Variants in DBF4B observed in about 807,000 individuals in gnomAD.
DBF4B encodes the protein protein DBF4 homolog B.
Under a neutral mutation model 53.4 loss-of-function variants are expected in DBF4B, and 49 were observed. The observed-to-expected ratio is 0.92, with a 90% CI of 0.73 to 1.16. DBF4B has a LOEUF of 1.16. Among genes scored for constraint, DBF4B ranks in the 50% most tolerant of loss-of-function variants. The probability of loss-of-function intolerance (pLI) is 0.00; values close to 1 mark genes in which losing one functional copy is unlikely to be tolerated. For synonymous variants in DBF4B, 257 were observed against 288.7 expected (o/e 0.89, Z 1.11); for missense variants, 692 against 775.0 (o/e 0.89, Z 1.27).
In DBF4B at chr17:44,751,659, C is replaced by A; in HGVS notation, c.*406C>A. On this transcript the variant is annotated 3_prime_UTR_variant, in exon 14 of 14. Coordinates refer to ENST00000315005, the MANE Select transcript of DBF4B (RefSeq NM_145663.3). The stretch of plus-strand genomic sequence containing the variant: ...ACTTCAAATACTTGAAGGCTCCCAC[C>A]TTCTGTTCTCTGGCTCCTTCCTGCG... 1 of 1,392,934 alleles carries A rather than the reference C, an allele frequency of 7.2e-7. No homozygotes were observed. The highest frequency in any genetic ancestry group is 3.0e-5 in the Admixed American group (1 of 33,490). The allele number at this position is 1,392,934 out of a possible 1,614,324, so 86.3% of individuals were successfully genotyped here. A position where few individuals can be genotyped will look rare whatever the true frequency, so the allele number is the denominator to read the frequency against.
intron 2 of DBF4B, among the ~76,000 whole-genome samples, chr17:44,710,005 C>A (rs189879233): frequency 1.3e-5 from 2 of 151,866 alleles, no homozygotes; most frequent in Non-Finnish European, 2.9e-5. Flanking sequence ...AACCCCATCT[C>A]TACTAAAAAT....
chr17:44,731,038 A>AGAGCC (rs1389010870), intron 5 of DBF4B, 23 bp downstream of exon 5: 1 of 1,613,910 alleles, frequency 6.2e-7, no homozygotes, highest in Admixed American at 1.7e-5. Context: ...AAGATGGGAC[A>AGAGCC]GAGCCGGTGG....
At chr17:44,712,934 C>T (rs991285876) in intron 2 of DBF4B, among the ~76,000 whole-genome samples, 2 of 151,878 alleles carry the variant, frequency 1.3e-5, no homozygotes, top group African/African-American at 2.4e-5. Context: ...TTCTGTCCTA[C>T]CACTTCTCTG....
intron 2 of DBF4B, chr17:44,719,868 C>A: frequency 4.6e-6 from 1 of 219,124 alleles, no homozygotes. Context: ...CATGTGAGTC[C>A]ACAGCTTTCT....
chr17:44,709,365 A>G lies in DBF4B; in HGVS notation c.81A>G (p.Leu27=). The change falls in exon 2 of 14, where the codon CTA becomes CTG. Residue 27 remains leucine (L), a splice_region_variant and synonymous_variant. Transcript: ENST00000315005. ...AGAGTAGGCTCCGGGCCCCGGACCTAGGTGGGTAACAGGACAGAACTAGGG... is the reference window on the plus strand; with the variant it reads ...AGAGTAGGCTCCGGGCCCCGGACCTGGGTGGGTAACAGGACAGAACTAGGG... ...MAESRLRAPD[L]GVSRCLGKCQ... The G allele has an allele frequency of 6.2e-7, 1 of 1,614,160 alleles. No homozygotes were observed. The highest frequency in any genetic ancestry group is 8.5e-7 in the Non-Finnish European group (1 of 1,180,020).
At chr17:44,725,239 A>G (rs528249053) in intron 3 of DBF4B, among the ~76,000 whole-genome samples, 1 of 152,074 alleles carries the variant, frequency 6.6e-6, no homozygotes, top group South Asian at 2.1e-4. Flanking sequence ...ATAGTGAGCT[A>G]TGATTGCACC....
At chr17:44,748,953 G>T (rs1321234771) in intron 13 of DBF4B, 3 of 1,289,896 alleles carry the variant, frequency 2.3e-6, no homozygotes, top group Non-Finnish European at 3.0e-6. Context: ...GACCAGCAGA[G>T]TTCTGGGCCA....
intron 3 of DBF4B, among the ~76,000 whole-genome samples, chr17:44,725,824 C>G (rs1974280754): frequency 1.3e-5 from 2 of 151,198 alleles, no homozygotes; most frequent in Admixed American, 6.6e-5. Context: ...GTAGCTGGGA[C>G]TACAGGTGCT....
At position 44,749,513 on chromosome 17, in the gene DBF4B, G is replaced by A. The variant is rs1003679454; in HGVS notation, c.1189+1048G>A. On this transcript the variant is annotated intron_variant, in intron 13 of 13. Transcript: ENST00000315005. The surrounding 1 kb of genome is among the most constrained non-coding windows in gnomAD (Gnocchi z 4.4). The stretch of plus-strand genomic sequence containing the variant: ...TTGAAGTCCAGCAAGCAGCTGTCAC[G>A]CTCAGCTCCATGGAGCTGACAGAGC... The A allele has an allele frequency of 1.3e-5, 17 of 1,267,116 alleles. No homozygotes were observed. Among genetic ancestry groups the A allele is most frequent in the African/African-American group, 9.2e-5 (6 of 65,302 alleles). The allele number at this position is 1,267,116 out of a possible 1,614,324, so 78.5% of individuals were successfully genotyped here. A position where few individuals can be genotyped will look rare whatever the true frequency, so the allele number is the denominator to read the frequency against.
At chr17:44,731,872 G>C in intron 5 of DBF4B, 1 of 299,002 alleles carries the variant, frequency 3.3e-6, no homozygotes, top group East Asian at 6.9e-5. Context: ...AGCTTTCCTC[G>C]CAGAGGCCCT....
chr17:44,708,987 G>A, intron 1 of DBF4B, 148 bp downstream of exon 1: 2 of 1,095,606 alleles, frequency 1.8e-6, no homozygotes, highest in Non-Finnish European at 2.6e-6. Context: ...GGAGCCACAG[G>A]AGTTGAGGGG....
intron 2 of DBF4B, 31 bp downstream of exon 2, chr17:44,709,397 G>A (rs898361429): frequency 6.2e-7 from 1 of 1,613,330 alleles, no homozygotes; most frequent in South Asian, 1.1e-5. Context: ...AGGGACGTGA[G>A]GTGAAAATTG....
rs1200162200 is a variant in DBF4B, at chr17:44,749,813, C to A, written c.1190-782C>A. 1 of 1,043,476 alleles carries A rather than the reference C, an allele frequency of 9.6e-7. No individual in the cohort carries two copies. The allele number at this position is 1,043,476 out of a possible 1,614,324, so 64.6% of individuals were successfully genotyped here. A position where few individuals can be genotyped will look rare whatever the true frequency, so the allele number is the denominator to read the frequency against. On this transcript the variant is annotated intron_variant, in intron 13 of 13. Transcript: ENST00000315005. This position sits in a 1 kb window ranked among gnomAD's most constrained non-coding sequence, Gnocchi z 4.4. ...GGTTAGCTGTTGGTGTGCTCCACCC[C>A]CAACCCCGGCCTCCTTTCTCACGAG...
At position 44,737,828 on chromosome 17, in the gene DBF4B, T is replaced by C. The variant is rs72826857; in HGVS notation, c.668-551T>C. 3.8e-3 allele frequency among the ~76,000 whole-genome samples: 579 copies of C among 152,302 alleles called. 3 individuals carry two copies. The highest frequency in any genetic ancestry group is 6.6e-3 in the Non-Finnish European group (450 of 68,020). ...TGATATTTTTCTACCATCCTGCTAA[T>C]AAGACCACTAAACACTCTTTATCCC... On this transcript the variant is annotated intron_variant, in intron 8 of 13. Transcript: ENST00000315005.
At chr17:44,721,870 C>T (rs565179556) in intron 2 of DBF4B, among the ~76,000 whole-genome samples, 1 of 151,672 alleles carries the variant, frequency 6.6e-6, no homozygotes, top group East Asian at 1.9e-4. Flanking sequence ...CATGGTGGCT[C>T]GCGCCTGTAA....
chr17:44,743,636 A>G (rs1976293424), intron 10 of DBF4B, among the ~76,000 whole-genome samples: 1 of 135,014 alleles, frequency 7.4e-6, no homozygotes, highest in Admixed American at 7.9e-5. Flanking sequence ...TTTGAGAATG[A>G]GTCCCACACT....
At chr17:44,739,019 G>A (rs911645827) in intron 9 of DBF4B, among the ~76,000 whole-genome samples, 1 of 152,170 alleles carries the variant, frequency 6.6e-6, no homozygotes, top group Non-Finnish European at 1.5e-5. Flanking sequence ...AGAAAGGAAG[G>A]GACTTGTGTA....
intron 9 of DBF4B, among the ~76,000 whole-genome samples, chr17:44,740,853 G>GT (rs1975934208): frequency 6.6e-6 from 1 of 152,038 alleles, no homozygotes; most frequent in African/African-American, 2.4e-5. Context: ...AGACAGGGAG[G>GT]GGCCGGGCGT....
chr17:44,751,615 G>A lies in DBF4B; in HGVS notation c.*362G>A. ...CATGCTCCTCTCCTGGAAAACACTT[G>A]AGTTGATTCAGTAAATCGACTTCAA... On this transcript the variant is annotated 3_prime_UTR_variant, in exon 14 of 14. Coordinates refer to ENST00000315005, the MANE Select transcript of DBF4B (RefSeq NM_145663.3). The A allele has an allele frequency of 1.5e-6, 2 of 1,360,232 alleles. No individual in the cohort carries two copies. The highest frequency in any genetic ancestry group is 1.9e-6 in the Non-Finnish European group (2 of 1,055,882). The allele number at this position is 1,360,232 out of a possible 1,614,324, so 84.3% of individuals were successfully genotyped here. A position where few individuals can be genotyped will look rare whatever the true frequency, so the allele number is the denominator to read the frequency against.
Sources: gnomAD v4.1 joint callset for allele counts (sites outside exome capture counted in the v4.1 genomes callset) on GRCh38, gnomAD v4.1.1 for gene constraint, Gnocchi (gnomAD v3.1) non-coding constraint, MANE v1.5 for transcripts, NCBI Gene and HGNC (gene_info 2026-07-23, HGNC 2026-07-21) for gene names.